The following C19orf47 variants were observed in gnomAD, a reference collection of about 807,000 sequenced individuals.
C19orf47 encodes the protein uncharacterized protein C19orf47.
In C19orf47, 18 loss-of-function variants were observed where a neutral mutation model predicts 32.3. The ratio of observed to expected loss-of-function variants is 0.56; its 90% CI spans 0.39 to 0.83. The LOEUF (loss-of-function observed/expected upper bound fraction) is 0.83, where lower values mean the gene tolerates loss of function less well. C19orf47 is among the 40% of genes least tolerant of loss of function. The pLI is 0.00. For synonymous variants in C19orf47, 202 were observed against 211.1 expected, an observed-to-expected ratio of 0.96 and a Z score of 0.37; for missense variants, 484 against 531.6, an observed-to-expected ratio of 0.91 and a Z score of 0.88.
the C19orf47 span, among the ~76,000 whole-genome samples, chr19:40,307,805 CTT>C: frequency 4.1e-5 from 6 of 144,832 alleles, no homozygotes. Flanking sequence ...GGTTTTGTGG[CTT>C]TTTTTTTTTG....
intron 7 of C19orf47, chr19:40,324,303 C>T (rs1168443762): frequency 1.7e-6 from 1 of 587,560 alleles, no homozygotes; most frequent in East Asian, 2.8e-5. Context: ...GGCAGATTCC[C>T]TACACCTCAG....
At chr19:40,326,209 A>T in intron 7 of C19orf47, 125 bp downstream of exon 7, 1 of 1,344,922 alleles carries the variant, frequency 7.4e-7, no homozygotes, top group South Asian at 1.4e-5. Flanking sequence ...CCCTTGGCCT[A>T]CGGCTCCTGC....
At chr19:40,305,563 T>C in the C19orf47 span, among the ~76,000 whole-genome samples, 4 of 152,182 alleles carry the variant, frequency 2.6e-5, no homozygotes, top group African/African-American at 9.7e-5. Flanking sequence ...CTTGCAGGCA[T>C]CAAGTCTTCC....
chr19:40,317,947 G>A (rs986177664), downstream of C19orf47, among the ~76,000 whole-genome samples: 7 of 152,094 alleles, frequency 4.6e-5, no homozygotes, highest in Non-Finnish European at 1.0e-4. Context: ...CTGAACTCCT[G>A]ACTTCCAAGT....
At chr19:40,301,153 G>T in the C19orf47 span, among the ~76,000 whole-genome samples, 1 of 151,614 alleles carries the variant, frequency 6.6e-6, no homozygotes, top group South Asian at 2.1e-4. Flanking sequence ...CTCTGTCTCA[G>T]AAAATAAAAA....
chr19:40,301,044 T>A, the C19orf47 span, among the ~76,000 whole-genome samples: 1 of 152,010 alleles, frequency 6.6e-6, no homozygotes, highest in Non-Finnish European at 1.5e-5. Flanking sequence ...ACACCTGTAA[T>A]CCCAGCTACT....
the C19orf47 span, among the ~76,000 whole-genome samples, chr19:40,311,205 C>T: frequency 6.6e-6 from 1 of 151,940 alleles, no homozygotes; most frequent in African/African-American, 2.4e-5. Context: ...GGAGAAACCC[C>T]GTCTCTACTA....
intron 6 of C19orf47, among the ~76,000 whole-genome samples, chr19:40,327,782 G>A (rs1284505265): frequency 6.6e-6 from 1 of 152,170 alleles, no homozygotes. Context: ...GTCTGGGAAG[G>A]AAGAGTGCTC....
the C19orf47 span, among the ~76,000 whole-genome samples, chr19:40,303,439 C>T: frequency 4.0e-5 from 6 of 150,662 alleles, no homozygotes; most frequent in Non-Finnish European, 7.4e-5. Flanking sequence ...AGGAGAATGG[C>T]GTGAACCCAG....
At chr19:40,346,441 T>TTAAA (rs1568631919) in intron 1 of C19orf47, among the ~76,000 whole-genome samples, 2 of 89,214 alleles carry the variant, frequency 2.2e-5, no homozygotes, top group African/African-American at 8.8e-5. Flanking sequence ...AGACCTTGTC[T>TTAAA]CAAATAAATA....
Position 40,328,370 on chromosome 19 carries a change from G to A in C19orf47, c.439+43C>T, listed in dbSNP as rs772350005. 67 of 1,603,758 alleles carry A rather than the reference G, an allele frequency of 4.2e-5. 1 individual carries two copies. In the South Asian group the frequency reaches 5.4e-4, roughly 13 times the overall value. On this transcript the variant is annotated intron_variant, in intron 6 of 8. Transcript: ENST00000683109. Reference sequence around the variant, plus strand: ...CCCCCAACACCTCCTACCAACCCACGTTCCCCTCCAGCTCCTCCTACCACC... The same window carrying A: ...CCCCCAACACCTCCTACCAACCCACATTCCCCTCCAGCTCCTCCTACCACC...
chr19:40,317,861 A>C (rs1393125221), downstream of C19orf47, among the ~76,000 whole-genome samples: 1 of 152,008 alleles, frequency 6.6e-6, no homozygotes, highest in Non-Finnish European at 1.5e-5. Context: ...CTGTGATTAC[A>C]GGCGTGCACC....
the C19orf47 span, among the ~76,000 whole-genome samples, chr19:40,300,163 C>G: frequency 2.0e-5 from 3 of 152,024 alleles, no homozygotes; most frequent in Non-Finnish European, 4.4e-5. Context: ...TGATAAAAAA[C>G]ATTTTTTTAA....
downstream of C19orf47, among the ~76,000 whole-genome samples, chr19:40,314,537 A>C (rs1236014462): frequency 6.6e-6 from 1 of 152,216 alleles, no homozygotes; most frequent in Non-Finnish European, 1.5e-5. Context: ...AAAGAAAGTA[A>C]CGTTGGATGA....
At chr19:40,334,144 C>A (rs767864134) in intron 4 of C19orf47, among the ~76,000 whole-genome samples, 29 of 152,182 alleles carry the variant, frequency 1.9e-4, no homozygotes, top group Admixed American at 3.9e-4. Flanking sequence ...TGAAGTTCAG[C>A]CTCCTCACCT....
the C19orf47 span, among the ~76,000 whole-genome samples, chr19:40,308,195 C>T: frequency 4.1e-3 from 624 of 151,584 alleles, 6 homozygotes; most frequent in African/African-American, 0.014. Flanking sequence ...CTCACTCTGT[C>T]GCCAGGCTGG....
At chr19:40,297,011 T>G in the C19orf47 span, among the ~76,000 whole-genome samples, 1 of 152,154 alleles carries the variant, frequency 6.6e-6, no homozygotes, top group Non-Finnish European at 1.5e-5. Context: ...TCATTAAACA[T>G]CATTATGCAG....
chr19:40,314,313 A>C, the C19orf47 span, among the ~76,000 whole-genome samples: 1 of 152,152 alleles, frequency 6.6e-6, no homozygotes, highest in Non-Finnish European at 1.5e-5. Context: ...CTGTAATCCC[A>C]GCTACTCAGG....
chr19:40,331,145 CT>C (rs1345000572), intron 5 of C19orf47, among the ~76,000 whole-genome samples: 1 of 152,226 alleles, frequency 6.6e-6, no homozygotes, highest in Non-Finnish European at 1.5e-5. Flanking sequence ...TGACTGTGGA[CT>C]TAGCCATGTA....
Sources: gnomAD v4.1 joint callset for allele counts (sites outside exome capture counted in the v4.1 genomes callset) on GRCh38, gnomAD v4.1.1 for gene constraint, MANE v1.5 for transcripts, NCBI Gene and HGNC (gene_info 2026-07-23, HGNC 2026-07-21) for gene names.